TUBGCP3: variants seen among roughly 807,000 people sequenced by gnomAD.
TUBGCP3 encodes the protein gamma-tubulin complex component 3.
In TUBGCP3, 50 loss-of-function variants were observed where a neutral mutation model predicts 123.1. The ratio of observed to expected loss-of-function variants is 0.41; its 90% CI spans 0.32 to 0.51. TUBGCP3 has a LOEUF of 0.51. Ranked by LOEUF, TUBGCP3 falls within the 20% of genes least tolerant of loss-of-function variation. The pLI is 0.36. For synonymous variants in TUBGCP3, 405 were observed against 413.9 expected, an observed-to-expected ratio of 0.98 and a Z score of 0.26; for missense variants, 882 against 1,127.0, an observed-to-expected ratio of 0.78 and a Z score of 3.11.
At chr13:112,506,223 A>G (rs1330904176) in intron 17 of TUBGCP3, among the ~76,000 whole-genome samples, 2 of 152,148 alleles carry the variant, frequency 1.3e-5, no homozygotes, top group Non-Finnish European at 2.9e-5. Flanking sequence ...CAGGCAATAA[A>G]CAGGCAGGAG....
chr13:112,583,198 A>T (rs1045743193), intron 1 of TUBGCP3, among the ~76,000 whole-genome samples: 4 of 152,246 alleles, frequency 2.6e-5, no homozygotes, highest in Admixed American at 6.5e-5. Flanking sequence ...GCATATTTTA[A>T]GTTTTATATA....
chr13:112,576,097 T>C (rs938293507), intron 1 of TUBGCP3, among the ~76,000 whole-genome samples: 1 of 152,246 alleles, frequency 6.6e-6, no homozygotes, highest in African/African-American at 2.4e-5. Context: ...TTGTTTTATA[T>C]CACTATATTA....
Position 112,554,889 on chromosome 13 carries a change from T to C in TUBGCP3, c.838A>G (p.Lys280Glu). The change falls in exon 7 of 22, where the codon AAG becomes GAG. Residue 280 changes from lysine (K) to glutamate (E), a missense_variant and splice_region_variant. Lys to Glu is a moderately conservative substitution (Grantham distance 56). Coordinates refer to ENST00000261965, the MANE Select transcript of TUBGCP3 (RefSeq NM_006322.6). ...ACTTAGATTTTATGTTACTGTACCT[T>C]TCCTTCTACTTTGTAACAATTTTCA... ...NTENCYKVEG[K>E]ANLSRSLRDT... is the part of the protein sequence containing the mutation. 1.3e-6 allele frequency: 2 copies of C among 1,591,526 alleles called. No homozygotes were observed. Among genetic ancestry groups the C allele is most frequent in the South Asian group, 2.3e-5 (2 of 87,630 alleles).
chr13:112,489,823 C>G, intron 20 of TUBGCP3, 126 bp from the exon 21 acceptor site: 1 of 683,142 alleles, frequency 1.5e-6, no homozygotes, highest in Non-Finnish European at 2.5e-6. Context: ...TACTGTTCAA[C>G]ACTTTCACAA....
chr13:112,491,260 T>C (rs1880085227), intron 20 of TUBGCP3, among the ~76,000 whole-genome samples: 1 of 152,280 alleles, frequency 6.6e-6, no homozygotes, highest in East Asian at 1.9e-4. Flanking sequence ...CTCCAATTTA[T>C]TAATATAGGC....
At chr13:112,505,970 G>A (rs1261495093) in intron 17 of TUBGCP3, among the ~76,000 whole-genome samples, 1 of 152,206 alleles carries the variant, frequency 6.6e-6, no homozygotes, top group East Asian at 1.9e-4. Flanking sequence ...AGGTGAGGGA[G>A]AGCCAGAGAG....
At chr13:112,490,093 T>G (rs1879977482) in intron 20 of TUBGCP3, among the ~76,000 whole-genome samples, 1 of 152,222 alleles carries the variant, frequency 6.6e-6, no homozygotes, top group Admixed American at 6.5e-5. Flanking sequence ...TCAGCACCCT[T>G]TAAACTATTA....
chr13:112,561,369 C>T (rs1880504826), intron 3 of TUBGCP3, among the ~76,000 whole-genome samples: 1 of 152,210 alleles, frequency 6.6e-6, no homozygotes, highest in East Asian at 1.9e-4. Context: ...GTCATCGTCA[C>T]AACCACACTA....
At chr13:112,585,877 T>C (rs1486074707) in intron 1 of TUBGCP3, among the ~76,000 whole-genome samples, 1 of 151,964 alleles carries the variant, frequency 6.6e-6, no homozygotes, top group Non-Finnish European at 1.5e-5. Flanking sequence ...AGAATTTTGC[T>C]GAAAAGAAGC....
chr13:112,510,683 G>A (rs911941865), intron 17 of TUBGCP3, among the ~76,000 whole-genome samples: 10 of 152,096 alleles, frequency 6.6e-5, no homozygotes, highest in Non-Finnish European at 1.0e-4. Flanking sequence ...AAGTGCCGTC[G>A]CCACCTCATC....
At position 112,547,557 on chromosome 13, in the gene TUBGCP3, G is replaced by T. The variant is rs537561143; in HGVS notation, c.1168+63C>A. The stretch of plus-strand genomic sequence containing the variant: ...ACGTGCATGGGAAAGTCGCGCGTGG[G>T]AAAGTCGCGCGTGGGAAAGTCGCGC... On this transcript the variant is annotated intron_variant, in intron 10 of 21. Coordinates refer to ENST00000261965, the MANE Select transcript of TUBGCP3 (RefSeq NM_006322.6). 1.1e-5 allele frequency: 15 copies of T among 1,337,604 alleles called. No homozygotes were observed. The East Asian group carries it at 3.9e-4, about 35-fold the overall frequency. The allele number at this position is 1,337,604 out of a possible 1,614,324, so 82.9% of individuals were successfully genotyped here. A position where few individuals can be genotyped will look rare whatever the true frequency, so the allele number is the denominator to read the frequency against.
At chr13:112,490,663 C>G (rs567806287) in intron 20 of TUBGCP3, among the ~76,000 whole-genome samples, 2 of 152,332 alleles carry the variant, frequency 1.3e-5, no homozygotes, top group South Asian at 2.1e-4. Context: ...TTAAATCTAG[C>G]CTTTTTTCAA....
rs77633356 is a variant in TUBGCP3, at chr13:112,576,606, T to C, written c.77-7347A>G. The stretch of plus-strand genomic sequence containing the variant: ...TCCATACATACATCAAAGCATCACA[T>C]TGCATACCTTAAATATATATTTTGG... On this transcript the variant is annotated intron_variant, in intron 1 of 21. Transcript: ENST00000261965. Among the ~76,000 whole-genome samples, 1,234 of 152,220 alleles carry C rather than the reference T, an allele frequency of 8.1e-3. 16 individuals are homozygous for C. The highest frequency in any genetic ancestry group is 0.028 in the African/African-American group (1,167 of 41,540).
In TUBGCP3 at chr13:112,491,166, C is replaced by T. The variant is rs181442056; in HGVS notation, c.2449-1469G>A. 8.9e-4 allele frequency among the ~76,000 whole-genome samples: 135 copies of T among 152,322 alleles called. 3 individuals are homozygous for T. The South Asian group carries it at 0.02, about 22-fold the overall frequency. On this transcript the variant is annotated intron_variant, in intron 20 of 21. Transcript: ENST00000261965. Reference sequence around the variant, plus strand: ...TCACTGATTTTCGCTCTCATCTTTACTAATTATGTCCTTTGGCTTTTTCTT... The same window carrying T: ...TCACTGATTTTCGCTCTCATCTTTATTAATTATGTCCTTTGGCTTTTTCTT...
At chr13:112,561,991 C>T (rs1286676295) in intron 3 of TUBGCP3, among the ~76,000 whole-genome samples, 2 of 152,150 alleles carry the variant, frequency 1.3e-5, no homozygotes, top group Non-Finnish European at 2.9e-5. Context: ...CCATTTGATA[C>T]GAAGGTGTGG....
At chr13:112,492,794 T>C (rs749992943) in intron 20 of TUBGCP3, among the ~76,000 whole-genome samples, 2 of 100,994 alleles carry the variant, frequency 2.0e-5, no homozygotes, top group South Asian at 3.6e-4. Flanking sequence ...TATGGGAACA[T>C]GGCCTGGTGT....
At chr13:112,588,560 C>T (rs998564166), upstream of TUBGCP3, among the ~76,000 whole-genome samples, 1 of 152,200 alleles carries the variant, frequency 6.6e-6, no homozygotes, top group Admixed American at 6.5e-5. Context: ...CGCTATCCAA[C>T]AGGCGCCCTG....
intron 11 of TUBGCP3, among the ~76,000 whole-genome samples, chr13:112,541,982 T>A (rs1878558290): frequency 6.6e-6 from 1 of 152,224 alleles, no homozygotes; most frequent in Non-Finnish European, 1.5e-5. Context: ...CATCTTTTAC[T>A]TCTGAAGGGT....
At chr13:112,562,262 ACCTACTAGGGAACACCACCAGCCAG>A (rs1186670907) in intron 3 of TUBGCP3, among the ~76,000 whole-genome samples, 2 of 151,498 alleles carry the variant, frequency 1.3e-5, no homozygotes, top group African/African-American at 2.4e-5. Flanking sequence ...ACCAGCCAGG[ACCTACTAGGGAACACCACCAGCCAG>A]GACCTACTAG....
Sources: allele counts gnomAD v4.1 joint callset (sites outside exome capture counted in the v4.1 genomes callset), GRCh38; gene constraint gnomAD v4.1.1; transcripts MANE v1.5; gene names NCBI Gene and HGNC (gene_info 2026-07-23, HGNC 2026-07-21).